TBCA: variants seen among roughly 807,000 people sequenced by gnomAD.
TBCA encodes the protein tubulin folding cofactor A, also known as tubulin-specific chaperone A.
In TBCA, 6 loss-of-function variants were observed where a neutral mutation model predicts 15.8. That is an observed-to-expected ratio of 0.38 (90% CI 0.21 to 0.75). TBCA has a LOEUF of 0.75. Among genes scored for constraint, TBCA ranks in the 30% least tolerant of loss-of-function variants. TBCA has a pLI of 0.46. For synonymous variants in TBCA, 32 were observed against 42.3 expected (o/e 0.76, Z 0.94); for missense variants, 90 against 131.2 (o/e 0.69, Z 1.53).
intron 1 of TBCA, among the ~76,000 whole-genome samples, chr5:77,767,665 T>TC (rs1747811639): frequency 6.6e-6 from 1 of 152,186 alleles, no homozygotes; most frequent in Admixed American, 6.5e-5. Flanking sequence ...TTCATACTCT[T>TC]CCTTTCTCCC....
At chr5:77,760,016 A>G (rs1264608099) in intron 1 of TBCA, among the ~76,000 whole-genome samples, 1 of 152,236 alleles carries the variant, frequency 6.6e-6, no homozygotes, top group Non-Finnish European at 1.5e-5. Context: ...TGGGATTCCA[A>G]GGCAAAATAG....
chr5:77,758,946 C>T lies in TBCA; in HGVS notation c.53+17259G>A, dbSNP rs545419533. ...ATCAATTATCACTTTAGTGTGACAA[C>T]CGGGGACCATCAGGAAACTGCTTCT... On this transcript the variant is annotated intron_variant, in intron 1 of 3. Transcript: ENST00000380377. Among the ~76,000 whole-genome samples the T allele has an allele frequency of 2.7e-4, 41 of 152,310 alleles. 1 individual carries two copies. In the Middle Eastern group the frequency reaches 0.01, roughly 38 times the overall value.
intron 2 of TBCA, among the ~76,000 whole-genome samples, chr5:77,701,427 T>C (rs1746010381): frequency 1.3e-5 from 2 of 151,828 alleles, no homozygotes; most frequent in South Asian, 2.1e-4. Flanking sequence ...TTGGTGTGCA[T>C]GTGGTGAACA....
rs1425344750 is a variant in TBCA, at chr5:77,766,513, T to A, written c.53+9692A>T. Among the ~76,000 whole-genome samples the A allele has an allele frequency of 1.1e-3, 79 of 71,106 alleles. 26 individuals are homozygous for A. Among genetic ancestry groups the A allele is most frequent in the African/African-American group, 4.3e-3 (71 of 16,548 alleles). 46.6% of individuals were successfully genotyped at this position (71,106 alleles called of 152,430 possible). A position where few individuals can be genotyped will look rare whatever the true frequency, so the allele number is the denominator to read the frequency against. The stretch of plus-strand genomic sequence containing the variant: ...TCACTTTTATTTATTTATTTATTTA[T>A]TTTTTTTTTTTTTTGAGACGGAGTC... On this transcript the variant is annotated intron_variant, in intron 1 of 3. Coordinates refer to ENST00000380377, the MANE Select transcript of TBCA (RefSeq NM_004607.3).
At chr5:77,744,758 A>T (rs180922520) in intron 1 of TBCA, among the ~76,000 whole-genome samples, 2 of 151,604 alleles carry the variant, frequency 1.3e-5, no homozygotes, top group Admixed American at 1.3e-4. Context: ...CTGGTCTCGA[A>T]CTCCTGACCT....
At chr5:77,751,858 C>A (rs776501451) in intron 1 of TBCA, among the ~76,000 whole-genome samples, 1 of 152,068 alleles carries the variant, frequency 6.6e-6, no homozygotes, top group Non-Finnish European at 1.5e-5. Context: ...GCCAGTGAGC[C>A]AGGAGTGCTG....
chr5:77,693,586 G>A (rs768297253), intron 2 of TBCA: 3 of 490,240 alleles, frequency 6.1e-6, no homozygotes, highest in South Asian at 6.0e-5. Flanking sequence ...ATCACCTGAG[G>A]TCAGGAGGTT....
intron 1 of TBCA, among the ~76,000 whole-genome samples, chr5:77,758,737 T>C (rs1427859983): frequency 6.6e-6 from 1 of 152,184 alleles, no homozygotes; most frequent in East Asian, 1.9e-4. Flanking sequence ...TTTAGGAAGT[T>C]GTATGTATGC....
intron 2 of TBCA, among the ~76,000 whole-genome samples, chr5:77,698,263 T>C (rs1745919370): frequency 6.6e-6 from 1 of 150,972 alleles, no homozygotes; most frequent in Admixed American, 6.6e-5. Flanking sequence ...AAATAGAGGA[T>C]ATCATTACGG....
At chr5:77,764,744 G>A (rs1046622211) in intron 1 of TBCA, among the ~76,000 whole-genome samples, 4 of 151,490 alleles carry the variant, frequency 2.6e-5, no homozygotes, top group African/African-American at 9.7e-5. Context: ...GAGTATTACA[G>A]TGCTTTCTTA....
chr5:77,776,318 C>T lies in TBCA; in HGVS notation c.-61G>A. On this transcript the variant is annotated 5_prime_UTR_variant, in exon 1 of 4. Transcript: ENST00000380377. Reference sequence around the variant, plus strand: ...GCCGGGGTAACCGTGGAGGGCGACGCGCAGAGGCTGCGGCTATTTAGGCGT... The same window carrying T: ...GCCGGGGTAACCGTGGAGGGCGACGTGCAGAGGCTGCGGCTATTTAGGCGT... The T allele has an allele frequency of 3.2e-6, 5 of 1,544,740 alleles. No individual in the cohort carries two copies. The South Asian group carries it at 3.6e-5, about 11-fold the overall frequency.
intron 1 of TBCA, among the ~76,000 whole-genome samples, chr5:77,750,535 T>C (rs1747300053): frequency 6.6e-6 from 1 of 152,152 alleles, no homozygotes; most frequent in Non-Finnish European, 1.5e-5. Context: ...TTCACATCAC[T>C]ATCCAGAAGT....
intron 3 of TBCA, chr5:77,692,030 T>C: frequency 1.0e-6 from 1 of 985,372 alleles, no homozygotes; most frequent in Non-Finnish European, 1.2e-6. Context: ...ACAAAATACA[T>C]CTTTCATTTT....
At chr5:77,727,402 A>G (rs1746653608) in intron 1 of TBCA, among the ~76,000 whole-genome samples, 1 of 152,184 alleles carries the variant, frequency 6.6e-6, no homozygotes, top group South Asian at 2.1e-4. Flanking sequence ...TTACCATCAC[A>G]TGCATGTATA....
intron 3 of TBCA, chr5:77,691,871 A>G (rs1256052640): frequency 1.0e-6 from 1 of 999,680 alleles, no homozygotes; most frequent in Non-Finnish European, 1.2e-6. Flanking sequence ...TGTTACATAT[A>G]TGACAGCATT....
chr5:77,765,629 C>T (rs1209524817), intron 1 of TBCA, among the ~76,000 whole-genome samples: 2 of 152,260 alleles, frequency 1.3e-5, no homozygotes, highest in East Asian at 3.9e-4. Context: ...CAATCTTACT[C>T]CCTTTTTCAA....
Position 77,752,847 on chromosome 5 carries a change from C to CAT in TBCA, c.53+23357_53+23358insAT, listed in dbSNP as rs1445173957. Among the ~76,000 whole-genome samples the CAT allele has an allele frequency of 4.2e-5, 2 of 47,878 alleles. 1 individual carries two copies. Among genetic ancestry groups the CAT allele is most frequent in the Non-Finnish European group, 1.0e-4 (2 of 20,032 alleles). 31.4% of individuals were successfully genotyped at this position (47,878 alleles called of 152,430 possible). A position where few individuals can be genotyped will look rare whatever the true frequency, so the allele number is the denominator to read the frequency against. On this transcript the variant is annotated intron_variant, in intron 1 of 3. Transcript: ENST00000380377. ...TGCTGGGATTACAGGCGTGAGCCAC[C>CAT]GCGCCCGGCCTCCGGCTTATTTTTA...
intron 1 of TBCA, among the ~76,000 whole-genome samples, chr5:77,744,973 G>A (rs1747149476): frequency 6.6e-6 from 1 of 152,142 alleles, no homozygotes; most frequent in African/African-American, 2.4e-5. Context: ...GTATCTTTGG[G>A]TACATTACTT....
At chr5:77,747,050 C>T (rs1356187129) in intron 1 of TBCA, among the ~76,000 whole-genome samples, 11 of 152,080 alleles carry the variant, frequency 7.2e-5, no homozygotes, top group Non-Finnish European at 1.6e-4. Flanking sequence ...AGCTATTATA[C>T]TCTAATGTGG....
Sources: gnomAD v4.1 joint callset for allele counts (sites outside exome capture counted in the v4.1 genomes callset) on GRCh38, gnomAD v4.1.1 for gene constraint, MANE v1.5 for transcripts, NCBI Gene and HGNC (gene_info 2026-07-23, HGNC 2026-07-21) for gene names.